The following NCBP2 variants were observed in gnomAD, a reference collection of about 807,000 sequenced individuals.
NCBP2 encodes the protein nuclear cap binding protein subunit 2.
NCBP2 carries 8 observed loss-of-function variants against 21.5 expected under a neutral mutation model. That is an observed-to-expected ratio of 0.37 (90% confidence interval 0.22 to 0.67). The LOEUF (loss-of-function observed/expected upper bound fraction) is 0.67, where lower values mean the gene tolerates loss of function less well. NCBP2 is among the 30% of genes least tolerant of loss of function. NCBP2 has a pLI of 0.56. For synonymous variants in NCBP2, 92 were observed against 75.8 expected (o/e 1.21, Z -1.11); for missense variants, 127 against 206.9 (o/e 0.61, Z 2.37).
At chr3:196,939,749 C>G (rs2108881380) in intron 1 of NCBP2, 1 of 257,862 alleles carries the variant, frequency 3.9e-6, no homozygotes, top group Non-Finnish European at 7.4e-6. Context: ...CCTTTAAACC[C>G]AAGTGTAGAC....
chr3:196,941,848 C>G, intron 1 of NCBP2: 2 of 1,478,292 alleles, frequency 1.4e-6, no homozygotes, highest in Non-Finnish European at 1.8e-6. Flanking sequence ...CGAACACCCT[C>G]AAAGTGCCGA....
rs151326192 is a variant in NCBP2, at chr3:196,937,056, G to A, written c.426C>T (p.Tyr142=). The change falls in exon 4 of 4, where the codon TAC becomes TAT. Residue 142 remains tyrosine (Y), a synonymous_variant. Coordinates refer to ENST00000321256, the MANE Select transcript of NCBP2 (RefSeq NM_007362.5). ...TTCCATAGCCTCCTCTCCCAGCATC[G>A]TAGTCCTGCCGATACTCATCCCGAA... is the stretch of plus-strand genomic sequence containing the variant. ...GQVRDEYRQD[Y]DAGRGGYGKL... is the part of the protein sequence containing the mutation. 7.4e-6 allele frequency: 12 copies of A among 1,613,974 alleles called. No homozygotes were observed. The highest frequency in any genetic ancestry group is 2.2e-5 in the South Asian group (2 of 91,082).
At chr3:196,938,977 A>AC (rs1560169642) in intron 2 of NCBP2, 1 of 361,690 alleles carries the variant, frequency 2.8e-6, no homozygotes, top group Admixed American at 4.5e-5. Context: ...ACAGTACGAG[A>AC]TTTTTATATT....
chr3:196,937,177 C>G, intron 3 of NCBP2, 95 bp from the exon 4 acceptor site: 1 of 1,164,814 alleles, frequency 8.6e-7, no homozygotes, highest in Admixed American at 1.7e-5. Flanking sequence ...GAAACCTGTT[C>G]AGATGCCACA....
intron 2 of NCBP2, chr3:196,938,792 A>G (rs984381813): frequency 2.0e-4 from 30 of 153,238 alleles, no homozygotes; most frequent in African/African-American, 7.2e-4. Flanking sequence ...GCCCAGCTGT[A>G]CAGCTATTTT....
chr3:196,942,085 T>G, intron 1 of NCBP2: 1 of 1,506,992 alleles, frequency 6.6e-7, no homozygotes, highest in East Asian at 2.5e-5. Context: ...AGGGCACCCC[T>G]CCCCCTTGCT....
chr3:196,941,922 G>A (rs1716600924), intron 1 of NCBP2: 1 of 1,536,116 alleles, frequency 6.5e-7, no homozygotes, highest in African/African-American at 1.4e-5. Context: ...CTCCACTTGT[G>A]TCTCCCACGC....
rs148353630 is a variant in NCBP2 at position 196,936,910 on chromosome 3, A to C, written c.*101T>G. The C allele has an allele frequency of 2.4e-3, 2,608 of 1,087,604 alleles. 17 individuals carry two copies. Among genetic ancestry groups the C allele is most frequent in the South Asian group, 0.014 (1,114 of 79,844 alleles). The allele number at this position is 1,087,604 out of a possible 1,614,324, so 67.4% of individuals were successfully genotyped here. A position where few individuals can be genotyped will look rare whatever the true frequency, so the allele number is the denominator to read the frequency against. On this transcript the variant is annotated 3_prime_UTR_variant, in exon 4 of 4. Coordinates refer to ENST00000321256, the MANE Select transcript of NCBP2 (RefSeq NM_007362.5). ...TTCCAGCTCAGTAAAGACACTGATC[A>C]AATCTTGGTAAAAATGGGCTCGTGT...
chr3:196,939,508 A>G lies in NCBP2; in HGVS notation c.79-76T>C, dbSNP rs1716427859. ...AATAGTATTTCTAAGTACGGTAGAG[A>G]CATTCATTAATTCTGGTTTGGAAAT... On this transcript the variant is annotated intron_variant, in intron 1 of 3. Transcript: ENST00000321256. 5.5e-6 allele frequency: 6 copies of G among 1,095,840 alleles called. No individual in the cohort carries two copies. In the South Asian group the frequency reaches 9.8e-5, roughly 18 times the overall value. 67.9% of individuals were successfully genotyped at this position (1,095,840 alleles called of 1,614,324 possible).
intron 1 of NCBP2, chr3:196,941,855 C>A: frequency 2.0e-6 from 3 of 1,496,382 alleles, no homozygotes; most frequent in Non-Finnish European, 2.7e-6. Flanking sequence ...CCTCAAAGTG[C>A]CGAGCTTGGC....
intron 1 of NCBP2, chr3:196,941,918 T>C (rs1255299355): frequency 2.0e-6 from 3 of 1,536,158 alleles, no homozygotes; most frequent in Admixed American, 3.9e-5. Context: ...AGGACTCCAC[T>C]TGTGTCTCCC....
chr3:196,936,895 G>T lies in NCBP2; in HGVS notation c.*116C>A. On this transcript the variant is annotated 3_prime_UTR_variant, in exon 4 of 4. Transcript: ENST00000321256. ...ATAACTTTCAGAGGCTTCCAGCTCA[G>T]TAAAGACACTGATCAAATCTTGGTA... is the stretch of plus-strand genomic sequence containing the variant. 1 of 939,670 alleles carries T rather than the reference G, an allele frequency of 1.1e-6. No homozygotes were observed. Among genetic ancestry groups the T allele is most frequent in the Non-Finnish European group, 1.7e-6 (1 of 573,756 alleles). The allele number at this position is 939,670 out of a possible 1,614,324, so 58.2% of individuals were successfully genotyped here.
rs1157400152 is a variant in NCBP2, at chr3:196,942,475, C to T, written c.29G>A (p.Arg10His). 6.2e-7 allele frequency: 1 copy of T among 1,613,268 alleles called. No individual in the cohort carries two copies. The highest frequency in any genetic ancestry group is 8.5e-7 in the Non-Finnish European group (1 of 1,179,932). Residue 10 changes from arginine (R) to histidine (H), a missense_variant, in exon 1 of 4, where the codon CGC becomes CAC. By Grantham distance (29) the Arg-to-His change is conservative. Coordinates refer to ENST00000321256, the MANE Select transcript of NCBP2 (RefSeq NM_007362.5). MSGGLLKAL[R>H]SDSYVELSQY... ...GCTCAGCTCCACGTAGGAGTCGCTG[C>T]GCAGCGCCTTCAGGAGGCCACCCGA...
At chr3:196,937,705 A>G in intron 2 of NCBP2, 57 bp from the exon 3 acceptor site, 5 of 1,595,396 alleles carry the variant, frequency 3.1e-6, no homozygotes, top group Non-Finnish European at 4.3e-6. Context: ...TAGGGGAACA[A>G]CATGTAAATG....
At chr3:196,937,889 G>T in intron 2 of NCBP2, 1 of 510,732 alleles carries the variant, frequency 2.0e-6, no homozygotes, top group South Asian at 2.3e-5. Context: ...GATAATTTTT[G>T]GTCCCATCAT....
chr3:196,936,971 A>G lies in NCBP2; in HGVS notation c.*40T>C. 2 of 1,593,264 alleles carry G rather than the reference A, an allele frequency of 1.3e-6. No homozygotes were observed. The highest frequency in any genetic ancestry group is 2.2e-5 in the South Asian group (2 of 90,540). On this transcript the variant is annotated 3_prime_UTR_variant, in exon 4 of 4. Coordinates refer to ENST00000321256, the MANE Select transcript of NCBP2 (RefSeq NM_007362.5). ...GGTGATGTTCTTCAGCAAATTCAAC[A>G]GGCCAAAGGAGTGTTTGTCACTGAC...
rs1284969324 is a variant in NCBP2 at position 196,935,470 on chromosome 3, T to G, written c.*1541A>C. On this transcript the variant is annotated 3_prime_UTR_variant, in exon 4 of 4. Coordinates refer to ENST00000321256, the MANE Select transcript of NCBP2 (RefSeq NM_007362.5). Reference sequence around the variant, plus strand: ...CAATCCGAATAAAACCACTGTCTCCTGTAGAAATCTGAGTTATGTTGTTTT... The same window carrying G: ...CAATCCGAATAAAACCACTGTCTCCGGTAGAAATCTGAGTTATGTTGTTTT... 1.3e-5 allele frequency: 2 copies of G among 152,222 alleles called. No homozygotes were observed. Among genetic ancestry groups the G allele is most frequent in the Non-Finnish European group, 2.9e-5 (2 of 68,038 alleles). The allele number at this position is 152,222 out of a possible 1,614,324, so 9.4% of individuals were successfully genotyped here. A position where few individuals can be genotyped will look rare whatever the true frequency, so the allele number is the denominator to read the frequency against.
chr3:196,938,581 T>C (rs1004371510), intron 2 of NCBP2: 1 of 152,258 alleles, frequency 6.6e-6, no homozygotes, highest in African/African-American at 2.4e-5. Context: ...TTTGTACCTA[T>C]ACAGTCAGGT....
At position 196,936,884 on chromosome 3, in the gene NCBP2, C is replaced by A. The variant is rs1270813785; in HGVS notation, c.*127G>T. 8.5e-6 allele frequency: 7 copies of A among 823,818 alleles called. No homozygotes were observed. The African/African-American group carries it at 1.0e-4, about 12-fold the overall frequency. 51.0% of individuals were successfully genotyped at this position (823,818 alleles called of 1,614,324 possible). On this transcript the variant is annotated 3_prime_UTR_variant, in exon 4 of 4. Transcript: ENST00000321256. Reference sequence around the variant, plus strand: ...TCTGTCCTTTAATAACTTTCAGAGGCTTCCAGCTCAGTAAAGACACTGATC... The same window carrying A: ...TCTGTCCTTTAATAACTTTCAGAGGATTCCAGCTCAGTAAAGACACTGATC...
Sources: gnomAD v4.1 joint callset for allele counts on GRCh38, gnomAD v4.1.1 for gene constraint, MANE v1.5 for transcripts, NCBI Gene and HGNC (gene_info 2026-07-23, HGNC 2026-07-21) for gene names.